Variants in SPSB4 observed in about 807,000 individuals in gnomAD.
The protein encoded by SPSB4 is SPRY domain-containing SOCS box protein 4.
In SPSB4, 21 loss-of-function variants were observed where a neutral mutation model predicts 20.9. The ratio of observed to expected loss-of-function variants is 1.01; its 90% CI spans 0.71 to 1.45. The LOEUF (loss-of-function observed/expected upper bound fraction) is 1.45, where lower values mean the gene tolerates loss of function less well. Ranked by LOEUF, SPSB4 falls within the 40% of genes most tolerant of loss-of-function variation. The pLI is 0.00. For synonymous variants in SPSB4, 207 were observed against 183.8 expected (o/e 1.13, Z -1.02); for missense variants, 399 against 399.2 (o/e 1.00, Z 0.00).
intron 2 of SPSB4, among the ~76,000 whole-genome samples, chr3:141,126,561 A>G (rs1049817073): frequency 1.3e-5 from 2 of 152,188 alleles, no homozygotes; most frequent in African/African-American, 4.8e-5. Flanking sequence ...GAAGGACACC[A>G]TCTGCCCATT....
chr3:141,059,979 T>A (rs1479524508), intron 1 of SPSB4, among the ~76,000 whole-genome samples: 2 of 152,220 alleles, frequency 1.3e-5, no homozygotes, highest in Non-Finnish European at 2.9e-5. Flanking sequence ...TGTCCTTCAT[T>A]AGATTGCCCA....
At chr3:141,093,506 A>C (rs1190270530) in intron 2 of SPSB4, among the ~76,000 whole-genome samples, 2 of 151,986 alleles carry the variant, frequency 1.3e-5, no homozygotes, top group African/African-American at 2.4e-5. Flanking sequence ...CCGAGGTGTA[A>C]TGCATCACAG....
chr3:141,140,551 A>G (rs1247778909), intron 2 of SPSB4, among the ~76,000 whole-genome samples: 1 of 152,304 alleles, frequency 6.6e-6, no homozygotes, highest in African/African-American at 2.4e-5. Context: ...CTTCTAACAG[A>G]CAGGACCCTC....
chr3:141,119,081 A>G (rs980872295), intron 2 of SPSB4, among the ~76,000 whole-genome samples: 1 of 152,254 alleles, frequency 6.6e-6, no homozygotes, highest in Non-Finnish European at 1.5e-5. Context: ...TACCTTGGGC[A>G]GTATGACTGT....
chr3:141,068,260 C>A (rs1347272459), intron 2 of SPSB4, among the ~76,000 whole-genome samples: 2 of 152,174 alleles, frequency 1.3e-5, no homozygotes, highest in Non-Finnish European at 2.9e-5. Context: ...CCTACAATTG[C>A]CATTGAATGG....
At chr3:141,054,421 C>T (rs554643331) in intron 1 of SPSB4, among the ~76,000 whole-genome samples, 68 of 152,282 alleles carry the variant, frequency 4.5e-4, no homozygotes, top group African/African-American at 1.6e-3. Context: ...AATTTTTAAA[C>T]CAGCAACACG....
chr3:141,054,950 G>A (rs1368770745), intron 1 of SPSB4, among the ~76,000 whole-genome samples: 2 of 138,122 alleles, frequency 1.4e-5, no homozygotes, highest in African/African-American at 5.6e-5. Flanking sequence ...GGGCAACAGA[G>A]CGAGACTCCG....
intron 2 of SPSB4, among the ~76,000 whole-genome samples, chr3:141,103,480 A>G (rs1938643869): frequency 6.6e-6 from 1 of 152,212 alleles, no homozygotes. Flanking sequence ...AAATGAATGG[A>G]AAAGACTCAG....
chr3:141,100,521 C>T (rs1938599244), intron 2 of SPSB4, among the ~76,000 whole-genome samples: 1 of 152,224 alleles, frequency 6.6e-6, no homozygotes, highest in Admixed American at 6.5e-5. Context: ...TCTCACACTC[C>T]TCAGAAGAAA....
At chr3:141,119,038 C>G (rs572350478) in intron 2 of SPSB4, among the ~76,000 whole-genome samples, 9 of 152,016 alleles carry the variant, frequency 5.9e-5, no homozygotes, top group Non-Finnish European at 7.4e-5. Flanking sequence ...AAGTCATTGG[C>G]AGCTTGATGG....
At chr3:141,113,084 A>G (rs1938829088) in intron 2 of SPSB4, among the ~76,000 whole-genome samples, 2 of 152,190 alleles carry the variant, frequency 1.3e-5, no homozygotes, top group African/African-American at 4.8e-5. Flanking sequence ...GATCCAAACC[A>G]CAGTGAGATG....
intron 1 of SPSB4, among the ~76,000 whole-genome samples, chr3:141,058,353 C>T (rs922087058): frequency 3.3e-5 from 5 of 152,228 alleles, no homozygotes; most frequent in Non-Finnish European, 5.9e-5. Context: ...TGTTTTCTTG[C>T]TCAGCCATGA....
In SPSB4 at chr3:141,147,149, C is replaced by G. The variant is rs568791354; in HGVS notation, c.702C>G (p.Pro234=). 1.9e-6 allele frequency: 3 copies of G among 1,614,110 alleles called. No homozygotes were observed. Among genetic ancestry groups the G allele is most frequent in the African/African-American group, 2.7e-5 (2 of 75,054 alleles). The change falls in exon 3 of 3, where the codon CCC becomes CCG. Residue 234 remains proline (P), a synonymous_variant. Coordinates refer to ENST00000310546, the MANE Select transcript of SPSB4 (RefSeq NM_080862.3). ...MRYINGLDPE[P]LPLMDLCRRS... ...GCTTCCCTCTCATTGCAGCCGAGCC[C>G]CTGCCACTGATGGACCTGTGCCGGA... is the stretch of plus-strand genomic sequence containing the variant.
chr3:141,065,449 GC>G (rs1030059761), intron 1 of SPSB4, among the ~76,000 whole-genome samples: 17 of 152,170 alleles, frequency 1.1e-4, no homozygotes, highest in African/African-American at 4.1e-4. Flanking sequence ...GCAGCTGTGT[GC>G]CCCCCAGCCT....
chr3:141,136,816 G>A (rs536050083), intron 2 of SPSB4, among the ~76,000 whole-genome samples: 31 of 152,222 alleles, frequency 2.0e-4, no homozygotes, highest in South Asian at 8.3e-4. Context: ...TTGACTTGGC[G>A]ATGTGGGCTC....
chr3:141,055,863 G>A (rs975022188), intron 1 of SPSB4, among the ~76,000 whole-genome samples: 2 of 152,206 alleles, frequency 1.3e-5, no homozygotes, highest in Non-Finnish European at 2.9e-5. Flanking sequence ...GGCCTTACAA[G>A]GTCATTTGAA....
chr3:141,138,025 C>G (rs1294991385), intron 2 of SPSB4, among the ~76,000 whole-genome samples: 1 of 152,130 alleles, frequency 6.6e-6, no homozygotes, highest in African/African-American at 2.4e-5. Flanking sequence ...TGTTATTGGT[C>G]TATTCAGAGA....
chr3:141,095,885 C>A (rs1415588257), intron 2 of SPSB4, among the ~76,000 whole-genome samples: 1 of 152,034 alleles, frequency 6.6e-6, no homozygotes, highest in African/African-American at 2.4e-5. Flanking sequence ...GGGCCCAAGG[C>A]CTAGATTTGG....
intron 2 of SPSB4, among the ~76,000 whole-genome samples, chr3:141,137,233 AT>A (rs949488583): frequency 1.3e-5 from 2 of 152,080 alleles, no homozygotes; most frequent in Non-Finnish European, 2.9e-5. Context: ...GCTTACGGAG[AT>A]TTTGGGCTGA....
Sources: allele counts gnomAD v4.1 joint callset (sites outside exome capture counted in the v4.1 genomes callset), GRCh38; gene constraint gnomAD v4.1.1; transcripts MANE v1.5; gene names NCBI Gene and HGNC (gene_info 2026-07-23, HGNC 2026-07-21).